Variants in XIRP2 observed in about 807,000 individuals in gnomAD.
XIRP2 encodes the protein xin actin-binding repeat-containing protein 2.
A neutral mutation model predicts 277.0 loss-of-function variants in XIRP2; 236 were observed. That is an observed-to-expected ratio of 0.85 (90% CI 0.77 to 0.95). The LOEUF is 0.95. Ranked by LOEUF, XIRP2 falls within the 40% of genes least tolerant of loss-of-function variation. The probability of loss-of-function intolerance (pLI) is 0.00; values close to 1 mark genes in which losing one functional copy is unlikely to be tolerated. For synonymous variants in XIRP2, 1,490 were observed against 1,416.5 expected (o/e 1.05, Z -1.17); for missense variants, 4,640 against 4,157.5 (o/e 1.12, Z -3.19).
At chr2:167,030,296 T>A (rs2105502975) in intron 2 of XIRP2, among the ~76,000 whole-genome samples, 1 of 152,246 alleles carries the variant, frequency 6.6e-6, no homozygotes, top group East Asian at 1.9e-4. Flanking sequence ...GTACTTTTGA[T>A]TGTGATGTTA....
Position 167,249,056 on chromosome 2 carries a change from A to C in XIRP2, c.7664A>C (p.Lys2555Thr). 1 of 1,611,754 alleles carries C rather than the reference A, an allele frequency of 6.2e-7. No individual in the cohort carries two copies. The highest frequency in any genetic ancestry group is 8.5e-7 in the Non-Finnish European group (1 of 1,179,384). The part of the protein sequence containing the change: ...MIAEEKYRQQ[K>T]EEIEKQKQES... ...GCTGAAGAAAAATATAGACAACAAAAAGAAGAAATTGAAAAACAGAAACAG... is the reference window on the plus strand; with the variant it reads ...GCTGAAGAAAAATATAGACAACAAACAGAAGAAATTGAAAAACAGAAACAG... Residue 2555 changes from lysine (K) to threonine (T), a missense_variant, in exon 9 of 11, where the codon AAA (lysine) becomes ACA (threonine). By Grantham distance (78) the Lys-to-Thr change is moderately conservative (BLOSUM62 -1). Transcript: ENST00000409195.
intron 3 of XIRP2, among the ~76,000 whole-genome samples, chr2:167,194,092 T>G (rs1234113253): frequency 6.6e-6 from 1 of 151,588 alleles, no homozygotes; most frequent in East Asian, 1.9e-4. Flanking sequence ...TCTTTTTTCT[T>G]TTTTTTTGAG....
At chr2:166,891,321 A>G (rs1684098958) in intron 1 of XIRP2, among the ~76,000 whole-genome samples, 1 of 152,178 alleles carries the variant, frequency 6.6e-6, no homozygotes, top group South Asian at 2.1e-4. Context: ...AAATAAACAA[A>G]TGCATTGTTC....
chr2:167,059,109 T>C (rs1471894879), intron 2 of XIRP2, among the ~76,000 whole-genome samples: 1 of 133,402 alleles, frequency 7.5e-6, no homozygotes, highest in South Asian at 2.6e-4. Context: ...CTCTTTTTTT[T>C]TTTTTTTTTT....
At chr2:167,168,679 A>G (rs111963932) in intron 3 of XIRP2, among the ~76,000 whole-genome samples, 15,020 of 152,130 alleles carry the variant, frequency 0.099, 787 homozygotes, top group South Asian at 0.15. Context: ...CAGTGGCATG[A>G]TCTCTGCTCA....
chr2:167,137,052 C>A (rs771666671), intron 3 of XIRP2, among the ~76,000 whole-genome samples: 7 of 152,158 alleles, frequency 4.6e-5, no homozygotes, highest in Non-Finnish European at 1.0e-4. Flanking sequence ...TAACAGGATC[C>A]TCAAATGATT....
chr2:167,017,513 T>A (rs1463150387), intron 2 of XIRP2, among the ~76,000 whole-genome samples: 1 of 151,964 alleles, frequency 6.6e-6, no homozygotes, highest in Non-Finnish European at 1.5e-5. Flanking sequence ...TCCATTATGC[T>A]TTTGTAGCAT....
At chr2:167,178,097 G>A (rs1692902878) in intron 3 of XIRP2, among the ~76,000 whole-genome samples, 1 of 151,164 alleles carries the variant, frequency 6.6e-6, no homozygotes, top group Admixed American at 6.6e-5. Flanking sequence ...GTAGAAAGGT[G>A]AAAAGTATTG....
intron 2 of XIRP2, among the ~76,000 whole-genome samples, chr2:167,086,885 T>G (rs1689962758): frequency 6.6e-6 from 1 of 152,172 alleles, no homozygotes; most frequent in African/African-American, 2.4e-5. Context: ...GCCTTTGGTC[T>G]GAATGTCCTC....
chr2:167,175,828 T>C (rs751068861), intron 3 of XIRP2, among the ~76,000 whole-genome samples: 2 of 150,606 alleles, frequency 1.3e-5, no homozygotes, highest in Non-Finnish European at 3.0e-5. Flanking sequence ...CTTTCAGAGA[T>C]GCCCTGCCCC....
intron 2 of XIRP2, among the ~76,000 whole-genome samples, chr2:166,910,159 A>G (rs563046080): frequency 3.6e-4 from 55 of 152,182 alleles, no homozygotes; most frequent in African/African-American, 1.2e-3. Context: ...CTCTTTTTCT[A>G]TTGATTGGAA....
intron 3 of XIRP2, among the ~76,000 whole-genome samples, chr2:167,206,777 C>G (rs1387335880): frequency 6.6e-6 from 1 of 152,138 alleles, no homozygotes; most frequent in Non-Finnish European, 1.5e-5. Context: ...ATTGTTACAC[C>G]GTCATCCTTT....
chr2:166,911,798 A>T (rs1280100666), intron 2 of XIRP2, among the ~76,000 whole-genome samples: 20 of 152,134 alleles, frequency 1.3e-4, no homozygotes, highest in Admixed American at 1.3e-3. Flanking sequence ...CTTTTAGGGC[A>T]GGCCTGGTGG....
chr2:166,968,872 A>G (rs1403868736), intron 2 of XIRP2, among the ~76,000 whole-genome samples: 1 of 152,002 alleles, frequency 6.6e-6, no homozygotes, highest in Non-Finnish European at 1.5e-5. Flanking sequence ...GTTCTAAATG[A>G]TAGGACAATA....
intron 3 of XIRP2, among the ~76,000 whole-genome samples, chr2:167,159,846 C>A (rs908940068): frequency 6.6e-6 from 1 of 152,096 alleles, no homozygotes; most frequent in African/African-American, 2.4e-5. Flanking sequence ...TTAGTTACAT[C>A]TTTCATTAAG....
intron 3 of XIRP2, among the ~76,000 whole-genome samples, chr2:167,173,687 A>G (rs1484803398): frequency 2.6e-5 from 4 of 152,116 alleles, no homozygotes; most frequent in Non-Finnish European, 5.9e-5. Flanking sequence ...CTCTATTTTT[A>G]GGTTTTTGAG....
At chr2:166,917,769 G>C (rs1476678045) in intron 2 of XIRP2, among the ~76,000 whole-genome samples, 1 of 152,160 alleles carries the variant, frequency 6.6e-6, no homozygotes, top group Non-Finnish European at 1.5e-5. Flanking sequence ...TGTGTTATAA[G>C]AATATTGATA....
chr2:166,966,643 A>G (rs145000735), intron 2 of XIRP2, among the ~76,000 whole-genome samples: 7 of 151,876 alleles, frequency 4.6e-5, no homozygotes, highest in East Asian at 1.9e-4. Context: ...CTTTTAGCCA[A>G]TCTCTTAAGA....
At chr2:167,134,353 A>G (rs1359789967) in intron 2 of XIRP2, among the ~76,000 whole-genome samples, 1 of 151,698 alleles carries the variant, frequency 6.6e-6, no homozygotes, top group African/African-American at 2.4e-5. Context: ...CATGTGATGT[A>G]TGTATATATA....
Sources: allele counts gnomAD v4.1 joint callset (sites outside exome capture counted in the v4.1 genomes callset), GRCh38; gene constraint gnomAD v4.1.1; transcripts MANE v1.5; gene names NCBI Gene and HGNC (gene_info 2026-07-23, HGNC 2026-07-21).